Variants in UBTD2 observed in about 807,000 individuals in gnomAD.
UBTD2 encodes the protein ubiquitin domain-containing protein 2.
In UBTD2, 9 loss-of-function variants were observed where a neutral mutation model predicts 19.8. That is an observed-to-expected ratio of 0.46 (90% CI 0.27 to 0.79). UBTD2 has a LOEUF of 0.79. UBTD2 is among the 30% of genes least tolerant of loss of function. The pLI is 0.14. For missense variants in UBTD2, 250 were observed against 300.4 expected, an observed-to-expected ratio of 0.83 and a Z score of 1.24; for synonymous variants, 98 against 103.9, an observed-to-expected ratio of 0.94 and a Z score of 0.35.
chr5:172,248,668 A>G (rs1754931313), intron 1 of UBTD2, among the ~76,000 whole-genome samples: 2 of 151,682 alleles, frequency 1.3e-5, no homozygotes, highest in Non-Finnish European at 2.9e-5. Context: ...TGGCAGAGGC[A>G]TGAGAATCAC....
chr5:172,250,971 A>T (rs1433594177), intron 1 of UBTD2, among the ~76,000 whole-genome samples: 2 of 148,684 alleles, frequency 1.3e-5, no homozygotes, highest in Admixed American at 1.3e-4. Context: ...GAAAGAAAGT[A>T]AAAGGAAGAA....
chr5:172,252,168 T>TA (rs2113068429), intron 1 of UBTD2, among the ~76,000 whole-genome samples: 1 of 152,366 alleles, frequency 6.6e-6, no homozygotes, highest in East Asian at 1.9e-4. Context: ...CTCCTGGCTT[T>TA]AAGAGTTACT....
chr5:172,282,181 G>A lies in UBTD2; in HGVS notation c.70+1415C>T, dbSNP rs550956591. 3.3e-5 allele frequency among the ~76,000 whole-genome samples: 5 copies of A among 152,294 alleles called. No homozygotes were observed. The South Asian group carries it at 1.0e-3, about 32-fold the overall frequency. On this transcript the variant is annotated intron_variant, in intron 1 of 2. Coordinates refer to ENST00000393792, the MANE Select transcript of UBTD2 (RefSeq NM_152277.3). The stretch of plus-strand genomic sequence containing the variant: ...GAATCATTAATGATCAACACAATTA[G>A]AGGAAGATTCATTTTGATCCTTCAA...
intron 2 of UBTD2, among the ~76,000 whole-genome samples, chr5:172,227,332 G>A (rs1771789600): frequency 6.6e-6 from 1 of 152,120 alleles, no homozygotes; most frequent in Non-Finnish European, 1.5e-5. Flanking sequence ...TTATAACCCT[G>A]AACTATTTTT....
In UBTD2 at chr5:172,267,039, T is replaced by TAAAAAA. The variant is rs34544452; in HGVS notation, c.70+16551_70+16556dup. 5.0e-3 allele frequency among the ~76,000 whole-genome samples: 593 copies of TAAAAAA among 119,274 alleles called. 4 individuals carry two copies. The highest frequency in any genetic ancestry group is 0.018 in the African/African-American group (568 of 31,002). 78.2% of individuals were successfully genotyped at this position (119,274 alleles called of 152,430 possible). A position where few individuals can be genotyped will look rare whatever the true frequency, so the allele number is the denominator to read the frequency against. On this transcript the variant is annotated intron_variant, in intron 1 of 2. Coordinates refer to ENST00000393792, the MANE Select transcript of UBTD2 (RefSeq NM_152277.3). ...CACTAGGTAACAGAGAGCCTCTCTT[T>TAAAAAA]AAAAAAAAAAAAAAAAAAAAAGTTT... is the stretch of plus-strand genomic sequence containing the variant.
At chr5:172,274,687 C>G (rs1231281948) in intron 1 of UBTD2, among the ~76,000 whole-genome samples, 1 of 152,154 alleles carries the variant, frequency 6.6e-6, no homozygotes, top group Non-Finnish European at 1.5e-5. Context: ...ATATGAGTAA[C>G]AAACTACAGC....
intron 1 of UBTD2, among the ~76,000 whole-genome samples, chr5:172,274,934 G>T (rs1161765793): frequency 1.3e-5 from 2 of 152,186 alleles, no homozygotes; most frequent in Non-Finnish European, 2.9e-5. Flanking sequence ...TACTTGGGAG[G>T]ATGAGGCAGG....
intron 2 of UBTD2, among the ~76,000 whole-genome samples, chr5:172,228,716 G>C (rs1300338011): frequency 6.6e-6 from 1 of 151,190 alleles, no homozygotes; most frequent in African/African-American, 2.4e-5. Flanking sequence ...GCTAGACTCC[G>C]TCTCCAAAAA....
intron 1 of UBTD2, among the ~76,000 whole-genome samples, chr5:172,259,506 T>A (rs887036699): frequency 1.3e-5 from 2 of 151,896 alleles, no homozygotes; most frequent in African/African-American, 4.8e-5. Flanking sequence ...CACATTCTCA[T>A]AGAAGAGAGA....
chr5:172,267,153 C>T (rs574400504), intron 1 of UBTD2, among the ~76,000 whole-genome samples: 1 of 150,978 alleles, frequency 6.6e-6, no homozygotes, highest in South Asian at 2.1e-4. Context: ...GATCCATAAA[C>T]ACAACTGAGA....
chr5:172,262,216 G>A (rs1400119468), intron 1 of UBTD2, among the ~76,000 whole-genome samples: 1 of 151,884 alleles, frequency 6.6e-6, no homozygotes, highest in Non-Finnish European at 1.5e-5. Context: ...TTGGGAGGCT[G>A]AGGCAGGTGG....
chr5:172,249,260 G>A (rs958344055), intron 1 of UBTD2, among the ~76,000 whole-genome samples: 7 of 151,598 alleles, frequency 4.6e-5, no homozygotes, highest in South Asian at 2.1e-4. Context: ...TTAGCTGAGC[G>A]TGGTGGCATG....
intron 1 of UBTD2, among the ~76,000 whole-genome samples, chr5:172,262,798 G>C (rs546142889): frequency 1.1e-3 from 169 of 152,286 alleles, no homozygotes; most frequent in African/African-American, 3.9e-3. Flanking sequence ...CCAGGTGACA[G>C]AGCAAGACTC....
chr5:172,227,544 A>ATT (rs1164528145), intron 2 of UBTD2, among the ~76,000 whole-genome samples: 4 of 146,510 alleles, frequency 2.7e-5, no homozygotes, highest in African/African-American at 7.5e-5. Context: ...TAAATGACAA[A>ATT]TTTTTTTTTT....
intron 1 of UBTD2, among the ~76,000 whole-genome samples, chr5:172,270,928 T>A (rs777439180): frequency 6.6e-6 from 1 of 152,272 alleles, no homozygotes; most frequent in Admixed American, 6.5e-5. Context: ...ACCTATAATA[T>A]AGTCTCACAA....
intron 1 of UBTD2, among the ~76,000 whole-genome samples, chr5:172,264,241 T>C (rs1405427216): frequency 6.6e-6 from 1 of 151,872 alleles, no homozygotes; most frequent in Non-Finnish European, 1.5e-5. Flanking sequence ...TCCTCTAAAA[T>C]GTCTGCTTAA....
At chr5:172,243,864 T>C (rs1035585384) in intron 1 of UBTD2, among the ~76,000 whole-genome samples, 15 of 151,670 alleles carry the variant, frequency 9.9e-5, no homozygotes, top group Non-Finnish European at 8.8e-5. Flanking sequence ...ACCCAGATAA[T>C]GGAATTCTTT....
At chr5:172,233,708 G>A (rs1460996375) in intron 2 of UBTD2, among the ~76,000 whole-genome samples, 1 of 151,126 alleles carries the variant, frequency 6.6e-6, no homozygotes, top group African/African-American at 2.4e-5. Context: ...AGTCTCTACA[G>A]CTTACAAAAT....
intron 2 of UBTD2, among the ~76,000 whole-genome samples, chr5:172,224,834 T>C (rs1431563319): frequency 2.0e-5 from 3 of 152,214 alleles, no homozygotes; most frequent in Non-Finnish European, 4.4e-5. Flanking sequence ...AGAGGTTTGC[T>C]TAAAGAAACC....
Sources: allele counts gnomAD v4.1 joint callset (sites outside exome capture counted in the v4.1 genomes callset), GRCh38; gene constraint gnomAD v4.1.1; transcripts MANE v1.5; gene names NCBI Gene and HGNC (gene_info 2026-07-23, HGNC 2026-07-21).